Variants in ADARB2 observed in about 807,000 individuals in gnomAD.
ADARB2 encodes the protein inactive double-stranded RNA-specific editase B2.
A neutral mutation model predicts 62.2 loss-of-function variants in ADARB2; 25 were observed. The observed-to-expected ratio is 0.40, with a 90% CI of 0.29 to 0.56. The LOEUF (loss-of-function observed/expected upper bound fraction) is 0.56. ADARB2 is among the 20% of genes least tolerant of loss of function. The pLI, the probability that ADARB2 is intolerant of heterozygous loss-of-function variation, is 0.43. For synonymous variants in ADARB2, 572 were observed against 500.8 expected (o/e 1.14, Z -1.90); for missense variants, 1,071 against 1,077.4 (o/e 0.99, Z 0.08).
chr10:1,608,757 A>T (rs949059844), intron 1 of ADARB2, among the ~76,000 whole-genome samples: 2 of 147,598 alleles, frequency 1.4e-5, no homozygotes, highest in Non-Finnish European at 3.0e-5. Flanking sequence ...AGAAGGAAGG[A>T]AGGAAAGAAA....
chr10:1,387,493 T>G (rs994492227), intron 1 of ADARB2, among the ~76,000 whole-genome samples: 1 of 151,984 alleles, frequency 6.6e-6, no homozygotes, highest in African/African-American at 2.4e-5. Context: ...TGCTAGTCAG[T>G]GAAAAACATA....
chr10:1,200,523 G>A (rs1836972313), intron 7 of ADARB2: 2 of 446,714 alleles, frequency 4.5e-6, no homozygotes, highest in African/African-American at 2.0e-5. Flanking sequence ...AATGGAATTT[G>A]TTTATTTTAG....
chr10:1,403,467 G>A (rs1165122698), intron 1 of ADARB2, among the ~76,000 whole-genome samples: 1 of 152,178 alleles, frequency 6.6e-6, no homozygotes, highest in Admixed American at 6.5e-5. Context: ...CGTTTTTTAA[G>A]GGCTTTTGCT....
chr10:1,363,085 G>A lies in ADARB2; in HGVS notation c.1020C>T (p.Phe340=). The A allele has an allele frequency of 2.0e-6, 3 of 1,483,950 alleles. No individual in the cohort carries two copies. The highest frequency in any genetic ancestry group is 2.7e-6 in the Non-Finnish European group (3 of 1,123,058). The allele number at this position is 1,483,950 out of a possible 1,614,324, so 91.9% of individuals were successfully genotyped here. A position where few individuals can be genotyped will look rare whatever the true frequency, so the allele number is the denominator to read the frequency against. ...GCGCGTGGCCGGGCATCTGGATGTC[G>A]AACAGCTCCTGCAGTGCGGCCTGCG... is the stretch of plus-strand genomic sequence containing the variant. The part of the protein sequence containing the change: ...QAAQAALQEL[F]DIQMPGHAPG... The change falls in exon 3 of 10, where the codon TTC becomes TTT. Residue 340 remains phenylalanine, a synonymous_variant. Transcript: ENST00000381312.
intron 1 of ADARB2, among the ~76,000 whole-genome samples, chr10:1,696,745 G>A (rs564769680): frequency 2.0e-5 from 3 of 152,282 alleles, no homozygotes; most frequent in African/African-American, 7.2e-5. Context: ...CTCAGGACCT[G>A]GGACCTGGGG....
At chr10:1,339,097 C>G (rs995131117) in intron 3 of ADARB2, among the ~76,000 whole-genome samples, 1 of 152,360 alleles carries the variant, frequency 6.6e-6, no homozygotes, top group Non-Finnish European at 1.5e-5. Flanking sequence ...GGTTTCTCCT[C>G]CCTGGACCCC....
At chr10:1,507,301 C>A (rs886705180) in intron 1 of ADARB2, among the ~76,000 whole-genome samples, 7 of 152,182 alleles carry the variant, frequency 4.6e-5, no homozygotes, top group African/African-American at 7.2e-5. Flanking sequence ...TGTGAGGGAA[C>A]CTCAGGAGGC....
At position 1,182,460 on chromosome 10, in the gene ADARB2, C is replaced by T. The variant is rs1036051136; in HGVS notation, c.*733G>A. 1 of 152,908 alleles carries T rather than the reference C, an allele frequency of 6.5e-6. No individual in the cohort carries two copies. The highest frequency in any genetic ancestry group is 6.5e-5 in the Admixed American group (1 of 15,270). The allele number at this position is 152,908 out of a possible 1,614,324, so 9.5% of individuals were successfully genotyped here. Reference sequence around the variant, plus strand: ...CCAGGCTCCCCACATCTGCAGCACGCGTGGGCCGGGTGTTTCCAGGCTCCC... The same window carrying T: ...CCAGGCTCCCCACATCTGCAGCACGTGTGGGCCGGGTGTTTCCAGGCTCCC... On this transcript the variant is annotated 3_prime_UTR_variant, in exon 10 of 10. Coordinates refer to ENST00000381312, the MANE Select transcript of ADARB2 (RefSeq NM_018702.4).
intron 1 of ADARB2, among the ~76,000 whole-genome samples, chr10:1,562,272 C>T (rs1390939815): frequency 6.6e-6 from 1 of 152,148 alleles, no homozygotes; most frequent in Non-Finnish European, 1.5e-5. Flanking sequence ...GCTGCCAATC[C>T]ATGTCCCTCC....
intron 1 of ADARB2, among the ~76,000 whole-genome samples, chr10:1,438,789 C>CT (rs1830866212): frequency 1.6e-5 from 1 of 63,992 alleles, no homozygotes; most frequent in African/African-American, 5.6e-5. Flanking sequence ...TGGAGGCAGG[C>CT]CCTTCATGAT....
chr10:1,428,012 T>A (rs567778326), intron 1 of ADARB2, among the ~76,000 whole-genome samples: 2 of 152,106 alleles, frequency 1.3e-5, no homozygotes, highest in African/African-American at 4.8e-5. Context: ...TCACCCAGGC[T>A]GGAGTGCAGT....
At position 1,245,467 on chromosome 10, in the gene ADARB2, C is replaced by T. The variant is rs537535258; in HGVS notation, c.1193-3168G>A. Reference sequence around the variant, plus strand: ...TTGTCATTTAACATTAGGTATATCTCCTAATGCTATTCCTCCCCCCTCCCC... The same window carrying T: ...TTGTCATTTAACATTAGGTATATCTTCTAATGCTATTCCTCCCCCCTCCCC... On this transcript the variant is annotated intron_variant, in intron 4 of 9. Transcript: ENST00000381312. Among the ~76,000 whole-genome samples the T allele has an allele frequency of 5.9e-5, 9 of 151,944 alleles. No homozygotes were observed. In the East Asian group the frequency reaches 1.8e-3, roughly 30 times the overall value.
chr10:1,678,875 G>T (rs75365566), intron 1 of ADARB2, among the ~76,000 whole-genome samples: 1 of 151,952 alleles, frequency 6.6e-6, no homozygotes, highest in African/African-American at 2.4e-5. Context: ...GGGTTGTCTT[G>T]CCCACCAGGT....
At chr10:1,646,538 C>T (rs1176937963) in intron 1 of ADARB2, among the ~76,000 whole-genome samples, 2 of 152,212 alleles carry the variant, frequency 1.3e-5, no homozygotes, top group African/African-American at 2.4e-5. Flanking sequence ...CGTGGCTGCA[C>T]GGTGAACTCA....
chr10:1,435,976 C>A (rs12267070), intron 1 of ADARB2, among the ~76,000 whole-genome samples: 52,713 of 152,010 alleles, frequency 0.35, 9,806 homozygotes, highest in East Asian at 0.68. Flanking sequence ...TGTTTGTCTT[C>A]TTAACTAAAC....
intron 1 of ADARB2, among the ~76,000 whole-genome samples, chr10:1,579,725 C>T (rs571820984): frequency 2.6e-5 from 4 of 152,316 alleles, no homozygotes; most frequent in Admixed American, 2.0e-4. Context: ...ACGAACTTCT[C>T]AACAGAAGGC....
intron 4 of ADARB2, among the ~76,000 whole-genome samples, chr10:1,263,497 T>C (rs1477311484): frequency 6.6e-6 from 1 of 152,220 alleles, no homozygotes; most frequent in African/African-American, 2.4e-5. Flanking sequence ...AGATATAATA[T>C]GGCGTTGGAT....
At position 1,737,094 on chromosome 10, in the gene ADARB2, T is replaced by G; in HGVS notation, c.57A>C (p.Lys19Asn). 6.2e-7 allele frequency: 1 copy of G among 1,611,794 alleles called. No individual in the cohort carries two copies. Reference protein sequence around the residue: ...RGSGGLSSQLKCKSKRRRRRR... With the variant: ...RGSGGLSSQLNCKSKRRRRRR... The stretch of plus-strand genomic sequence containing the variant: ...GCCTCCTCCTCCTCTTGGACTTGCA[T>G]TTGAGTTGACTGCTCAGCCCTCCAG... Residue 19 changes from lysine to asparagine, a missense_variant, in exon 1 of 10, where the codon AAA becomes AAC. Coordinates refer to ENST00000381312, the MANE Select transcript of ADARB2 (RefSeq NM_018702.4).
chr10:1,310,186 T>A (rs1831675718), intron 3 of ADARB2, among the ~76,000 whole-genome samples: 1 of 152,224 alleles, frequency 6.6e-6, no homozygotes, highest in South Asian at 2.1e-4. Context: ...GGTGCTGCTG[T>A]CACACTGAGT....
Sources: gnomAD v4.1 joint callset for allele counts (sites outside exome capture counted in the v4.1 genomes callset) on GRCh38, gnomAD v4.1.1 for gene constraint, MANE v1.5 for transcripts, NCBI Gene and HGNC (gene_info 2026-07-23, HGNC 2026-07-21) for gene names.